RPS3A: variants seen among roughly 807,000 people sequenced by gnomAD.
RPS3A encodes the protein ribosomal protein S3A, also known as small ribosomal subunit protein eS1.
A neutral mutation model predicts 26.4 loss-of-function variants in RPS3A; 1 was observed. The observed-to-expected ratio is 0.04, with a 90% CI of 0.01 to 0.18. The LOEUF is 0.18. Ranked by LOEUF, RPS3A falls within the 10% of genes least tolerant of loss-of-function variation. The pLI is 1.00. For missense variants in RPS3A, 139 were observed against 326.8 expected (o/e 0.43, Z 4.43); for synonymous variants, 97 against 106.1 (o/e 0.91, Z 0.53).
Position 151,099,700 on chromosome 4 carries a change from A to G in RPS3A, c.48A>G (p.Gly16=), listed in dbSNP as rs1747026558. ...GCCTTACGAAAGGCGGCAAAAAGGG[A>G]GCCAAGAAGAAAGTGTAAGTCGCGA... ...NKRLTKGGKK[G]AKKKVVDPFS... Residue 16 remains glycine, a synonymous_variant, in exon 1 of 6, where the codon GGA becomes GGG. Transcript: ENST00000274065. The G allele has an allele frequency of 6.2e-7, 1 of 1,613,700 alleles. No homozygotes were observed. Among genetic ancestry groups the G allele is most frequent in the African/African-American group, 1.3e-5 (1 of 75,048 alleles).
chr4:151,100,057 A>C, intron 1 of RPS3A: 1 of 562,354 alleles, frequency 1.8e-6, no homozygotes, highest in Non-Finnish European at 3.4e-6. Flanking sequence ...CCTTCTATCC[A>C]TTCAGGACCC....
intron 3 of RPS3A, among the ~76,000 whole-genome samples, chr4:151,101,488 G>T (rs1187382009): frequency 2.0e-5 from 3 of 152,108 alleles, no homozygotes; most frequent in African/African-American, 4.8e-5. Flanking sequence ...GATGTTTTTT[G>T]ACCTCAGAAT....
intron 3 of RPS3A, among the ~76,000 whole-genome samples, chr4:151,101,664 T>C (rs1183495461): frequency 6.6e-6 from 1 of 152,218 alleles, no homozygotes; most frequent in Non-Finnish European, 1.5e-5. Flanking sequence ...AGTGTCATTT[T>C]ATTGAATTGT....
intron 3 of RPS3A, 173 bp from the exon 4 acceptor site, chr4:151,102,698 A>G: frequency 4.0e-6 from 3 of 754,114 alleles, no homozygotes; most frequent in Non-Finnish European, 4.1e-6. Context: ...ATTTGGGGGT[A>G]ACTTGGTAAG....
Position 151,099,703 on chromosome 4 carries a change from C to G in RPS3A, c.51C>G (p.Ala17=). 1.2e-6 allele frequency: 2 copies of G among 1,613,532 alleles called. No individual in the cohort carries two copies. Residue 17 remains alanine, a synonymous_variant, in exon 1 of 6, where the codon GCC becomes GCG. Transcript: ENST00000274065. ...KRLTKGGKKG[A]KKKVVDPFSK... Reference sequence around the variant, plus strand: ...TTACGAAAGGCGGCAAAAAGGGAGCCAAGAAGAAAGTGTAAGTCGCGACTG... The same window carrying G: ...TTACGAAAGGCGGCAAAAAGGGAGCGAAGAAGAAAGTGTAAGTCGCGACTG...
chr4:151,103,996 T>C, intron 4 of RPS3A, 181 bp from the exon 5 acceptor site: 1 of 1,505,544 alleles, frequency 6.6e-7, no homozygotes, highest in Non-Finnish European at 8.9e-7. Context: ...GTAATTCAGA[T>C]CATCTATCCT....
rs368150942 is a variant in RPS3A, at chr4:151,099,630, C to A, written c.-23C>A. The A allele has an allele frequency of 7.4e-6, 12 of 1,612,422 alleles. No homozygotes were observed. In the East Asian group the frequency reaches 2.7e-4, roughly 36 times the overall value. Reference sequence around the variant, plus strand: ...TTCTCGCGCGACTCCCACTTCCGCCCTTTTGGCTCTCTGACCAGCACCATG... The same window carrying A: ...TTCTCGCGCGACTCCCACTTCCGCCATTTTGGCTCTCTGACCAGCACCATG... On this transcript the variant is annotated 5_prime_UTR_variant, in exon 1 of 6. Transcript: ENST00000274065.
At chr4:151,101,336 G>C (rs1402674529) in intron 3 of RPS3A, among the ~76,000 whole-genome samples, 174 bp downstream of exon 3, 2 of 152,134 alleles carry the variant, frequency 1.3e-5, no homozygotes, top group African/African-American at 4.8e-5. Context: ...CTAACTCTGG[G>C]GTTGCCACAC....
chr4:151,104,246 C>T lies in RPS3A; in HGVS notation c.633C>T (p.Phe211=), dbSNP rs745859705. The T allele has an allele frequency of 3.2e-5, 52 of 1,613,040 alleles. No homozygotes were observed. The highest frequency in any genetic ancestry group is 4.0e-5 in the African/African-American group (3 of 74,864). The change falls in exon 5 of 6, where the codon TTC becomes TTT. Residue 211 remains phenylalanine (F), a synonymous_variant. Transcript: ENST00000274065. Reference sequence around the variant, plus strand: ...CTATTTATCCTCTCCATGATGTCTTCGTTAGAAAAGTAAAAATGCTGAAGA... The same window carrying T: ...CTATTTATCCTCTCCATGATGTCTTTGTTAGAAAAGTAAAAATGCTGAAGA... ...CQSIYPLHDV[F]VRKVKMLKKP... is the part of the protein sequence containing the mutation.
At chr4:151,103,818 A>G (rs1306992198) in intron 4 of RPS3A, 1 of 1,364,258 alleles carries the variant, frequency 7.3e-7, no homozygotes. Flanking sequence ...ATGATTAATG[A>G]TGCACGGGAA....
intron 4 of RPS3A, chr4:151,103,886 G>C (rs1221088782): frequency 6.9e-7 from 1 of 1,444,466 alleles, no homozygotes; most frequent in Non-Finnish European, 9.2e-7. Context: ...ACATTTTTCT[G>C]ATGTTCCCAT....
intron 2 of RPS3A, 139 bp from the exon 3 acceptor site, chr4:151,100,836 C>G: frequency 1.6e-6 from 1 of 640,170 alleles, no homozygotes. Flanking sequence ...TGATAAGTCA[C>G]TGGTGTCTGG....
At chr4:151,101,701 G>C (rs1356037678) in intron 3 of RPS3A, among the ~76,000 whole-genome samples, 1 of 152,162 alleles carries the variant, frequency 6.6e-6, no homozygotes, top group East Asian at 1.9e-4. Flanking sequence ...TATTTCAGAT[G>C]TGTCTGGCTA....
intron 4 of RPS3A, chr4:151,103,606 A>G (rs1747226265): frequency 2.9e-6 from 3 of 1,050,678 alleles, no homozygotes; most frequent in Non-Finnish European, 3.5e-6. Context: ...CCTACTTGGA[A>G]AATACACTGA....
In RPS3A at chr4:151,102,889, G is replaced by A. The variant is rs373671463; in HGVS notation, c.373G>A (p.Val125Ile). The A allele has an allele frequency of 1.2e-4, 191 of 1,611,258 alleles. No homozygotes were observed. Among genetic ancestry groups the A allele is most frequent in the Non-Finnish European group, 3.6e-5 (43 of 1,178,634 alleles). Residue 125 changes from valine to isoleucine, a missense_variant, in exon 4 of 6, where the codon GTT becomes ATT. Physicochemically the swap from Val to Ile is conservative, Grantham distance 29 (BLOSUM62 3). Coordinates refer to ENST00000274065, the MANE Select transcript of RPS3A (RefSeq NM_001006.5). ...KKWQTMIEAH[V>I]DVKTTDGYLL... ...TCTCCAGACAATGATTGAAGCTCACGTTGATGTCAAGACTACCGATGGTTA... is the reference window on the plus strand; with the variant it reads ...TCTCCAGACAATGATTGAAGCTCACATTGATGTCAAGACTACCGATGGTTA...
chr4:151,103,207 C>G, intron 4 of RPS3A, 128 bp downstream of exon 4: 1 of 1,414,506 alleles, frequency 7.1e-7, no homozygotes, highest in Non-Finnish European at 9.3e-7. Context: ...CTAGCTATAT[C>G]TCTTTAAGTG....
chr4:151,102,838 C>G, intron 3 of RPS3A, 33 bp from the exon 4 acceptor site: 2 of 1,593,374 alleles, frequency 1.3e-6, no homozygotes, highest in Non-Finnish European at 1.7e-6. Flanking sequence ...TAACGTAAAA[C>G]CTGTTAAATC....
Position 151,104,457 on chromosome 4 carries a change from T to TTTTTTTTTTTTC in RPS3A, c.674-10_674-9insTTTTTTCTTTTT. 1.4e-6 allele frequency: 2 copies of TTTTTTTTTTTTC among 1,422,978 alleles called. No homozygotes were observed. The highest frequency in any genetic ancestry group is 9.1e-7 in the Non-Finnish European group (1 of 1,094,886). 88.1% of individuals were successfully genotyped at this position (1,422,978 alleles called of 1,614,324 possible). A position where few individuals can be genotyped will look rare whatever the true frequency, so the allele number is the denominator to read the frequency against. Reference sequence around the variant, plus strand: ...TTTTTTGGTTTTTTTTTTTTTTTTTTTTTTTGCCTTTTAGTGGGAAAGCTC... The same window carrying TTTTTTTTTTTTC: ...TTTTTTGGTTTTTTTTTTTTTTTTTTTTTTTTTTTTTCTTTTTGCCTTTTAGTGGGAAAGCTC... On this transcript the variant is annotated splice_polypyrimidine_tract_variant and intron_variant, in intron 5 of 5. Transcript: ENST00000274065.
At position 151,099,639 on chromosome 4, in the gene RPS3A, C is replaced by T. The variant is rs368875639; in HGVS notation, c.-14C>T. 6.2e-6 allele frequency: 10 copies of T among 1,613,304 alleles called. No homozygotes were observed. The East Asian group carries it at 2.0e-4, about 32-fold the overall frequency. The stretch of plus-strand genomic sequence containing the variant: ...GACTCCCACTTCCGCCCTTTTGGCT[C>T]TCTGACCAGCACCATGGCGGTTGGC... On this transcript the variant is annotated 5_prime_UTR_variant, in exon 1 of 6. Coordinates refer to ENST00000274065, the MANE Select transcript of RPS3A (RefSeq NM_001006.5).
Sources: gnomAD v4.1 joint callset for allele counts (sites outside exome capture counted in the v4.1 genomes callset) on GRCh38, gnomAD v4.1.1 for gene constraint, MANE v1.5 for transcripts, NCBI Gene and HGNC (gene_info 2026-07-23, HGNC 2026-07-21) for gene names.